The following RAB27B variants were observed in gnomAD, a reference collection of about 807,000 sequenced individuals.
The protein encoded by RAB27B is ras-related protein Rab-27B.
Under a neutral mutation model 24.6 loss-of-function variants are expected in RAB27B, and 15 were observed. The ratio of observed to expected loss-of-function variants is 0.61; its 90% CI spans 0.41 to 0.94. The LOEUF (loss-of-function observed/expected upper bound fraction) is 0.94, where lower values mean the gene tolerates loss of function less well. RAB27B is among the 40% of genes least tolerant of loss of function. The pLI is 0.00. For synonymous variants in RAB27B, 105 were observed against 92.5 expected (o/e 1.14, Z -0.78); for missense variants, 261 against 266.8 (o/e 0.98, Z 0.15).
At chr18:54,813,985 T>C (rs1435132317) in intron 2 of RAB27B, among the ~76,000 whole-genome samples, 4 of 152,236 alleles carry the variant, frequency 2.6e-5, no homozygotes, top group Non-Finnish European at 2.9e-5. Flanking sequence ...TTTTTGTATA[T>C]GTGCACATTT....
chr18:54,782,363 G>T (rs1229314973), intron 2 of RAB27B, among the ~76,000 whole-genome samples: 1 of 152,178 alleles, frequency 6.6e-6, no homozygotes, highest in Admixed American at 6.5e-5. Context: ...AAGCCAAATA[G>T]TATGGTTGCA....
chr18:54,768,424 A>G (rs1349740888), intron 2 of RAB27B, among the ~76,000 whole-genome samples: 2 of 152,138 alleles, frequency 1.3e-5, no homozygotes, highest in Non-Finnish European at 2.9e-5. Flanking sequence ...GTAACTTGCA[A>G]CTTTTTTTCC....
At chr18:54,818,743 A>C (rs1414043112) in intron 2 of RAB27B, among the ~76,000 whole-genome samples, 2 of 152,170 alleles carry the variant, frequency 1.3e-5, no homozygotes, top group Non-Finnish European at 2.9e-5. Flanking sequence ...GCTCTATAAC[A>C]ACGTGACTAG....
chr18:54,868,698 A>G (rs1408059328), intron 1 of RAB27B, among the ~76,000 whole-genome samples: 1 of 151,886 alleles, frequency 6.6e-6, no homozygotes, highest in African/African-American at 2.4e-5. Context: ...ATCTCAACTC[A>G]CTGCAACCTC....
At chr18:54,854,490 A>G (rs1423891078) in intron 1 of RAB27B, among the ~76,000 whole-genome samples, 1 of 152,214 alleles carries the variant, frequency 6.6e-6, no homozygotes, top group Non-Finnish European at 1.5e-5. Flanking sequence ...AATCAATGAA[A>G]GGCTTAGTTT....
intron 1 of RAB27B, among the ~76,000 whole-genome samples, chr18:54,850,194 T>C (rs1005272495): frequency 1.3e-5 from 2 of 151,754 alleles, no homozygotes; most frequent in Non-Finnish European, 2.9e-5. Context: ...TAACAGAGTT[T>C]GTCTAAGAAG....
intron 2 of RAB27B, among the ~76,000 whole-genome samples, chr18:54,785,170 C>T (rs531332498): frequency 1.3e-5 from 2 of 152,002 alleles, no homozygotes; most frequent in East Asian, 1.9e-4. Context: ...GGCAAAATCT[C>T]GGCTCACTGC....
At position 54,889,419 on chromosome 18, in the gene RAB27B, A is replaced by C. The variant is rs1029794064; in HGVS notation, c.*6A>C. Reference sequence around the variant, plus strand: ...AGAAGAAATGTATCTGCTAGACTCTACATAGAAACTGAACATCAAGAACCC... The same window carrying C: ...AGAAGAAATGTATCTGCTAGACTCTCCATAGAAACTGAACATCAAGAACCC... On this transcript the variant is annotated 3_prime_UTR_variant, in exon 6 of 6. Coordinates refer to ENST00000262094, the MANE Select transcript of RAB27B (RefSeq NM_004163.4). 1 of 1,596,806 alleles carries C rather than the reference A, an allele frequency of 6.3e-7. No homozygotes were observed. The highest frequency in any genetic ancestry group is 1.8e-5 in the Admixed American group (1 of 55,994).
chr18:54,870,093 G>A (rs2018668), intron 1 of RAB27B, among the ~76,000 whole-genome samples: 51,215 of 151,914 alleles, frequency 0.34, 10,231 homozygotes, highest in Admixed American at 0.43. Context: ...AGAAATGATG[G>A]AAACATTTTA....
At chr18:54,765,807 G>A (rs1908343099) in intron 2 of RAB27B, among the ~76,000 whole-genome samples, 1 of 152,144 alleles carries the variant, frequency 6.6e-6, no homozygotes, top group African/African-American at 2.4e-5. Context: ...AAGTATTGAA[G>A]GAGGAGATAT....
At chr18:54,828,277 G>C (rs1168072820), upstream of RAB27B, 1 of 152,224 alleles carries the variant, frequency 6.6e-6, no homozygotes, top group Non-Finnish European at 1.5e-5. Flanking sequence ...CGCTGGTAAG[G>C]CTAGAAGCCC....
intron 2 of RAB27B, among the ~76,000 whole-genome samples, chr18:54,776,273 C>CAAGTAAACCAAACT (rs1908713391): frequency 6.6e-6 from 1 of 152,188 alleles, no homozygotes; most frequent in Non-Finnish European, 1.5e-5. Context: ...TTTTCTATTC[C>CAAGTAAACCAAACT]ACCCCAACTA....
intron 2 of RAB27B, among the ~76,000 whole-genome samples, chr18:54,736,766 A>G (rs185413112): frequency 6.6e-6 from 1 of 152,230 alleles, no homozygotes; most frequent in East Asian, 1.9e-4. Context: ...GAATTTCAGG[A>G]AGGAGATATC....
chr18:54,888,168 C>G (rs747210126), intron 5 of RAB27B, 50 bp downstream of exon 5: 7 of 1,583,898 alleles, frequency 4.4e-6, no homozygotes, highest in Non-Finnish European at 6.0e-6. Context: ...TGCTGTTCAG[C>G]AAATGGAGCA....
At chr18:54,772,842 A>G (rs2145073770) in intron 2 of RAB27B, among the ~76,000 whole-genome samples, 1 of 152,292 alleles carries the variant, frequency 6.6e-6, no homozygotes, top group Non-Finnish European at 1.5e-5. Context: ...ATTGCATTGC[A>G]TGCTGTCCTT....
chr18:54,876,748 C>T (rs775302258), intron 1 of RAB27B, among the ~76,000 whole-genome samples: 1 of 152,058 alleles, frequency 6.6e-6, no homozygotes, highest in South Asian at 2.1e-4. Flanking sequence ...GCTCATCCTG[C>T]ATGGATAGAT....
intron 1 of RAB27B, among the ~76,000 whole-genome samples, chr18:54,848,221 C>G (rs961499721): frequency 6.6e-6 from 1 of 152,162 alleles, no homozygotes; most frequent in Non-Finnish European, 1.5e-5. Context: ...TATAATGAGG[C>G]AGCTTTAGGC....
intron 1 of RAB27B, among the ~76,000 whole-genome samples, chr18:54,862,289 G>A (rs1457839420): frequency 6.6e-6 from 1 of 152,152 alleles, no homozygotes; most frequent in Non-Finnish European, 1.5e-5. Context: ...ATGTGTGAGG[G>A]AACAAAATCG....
At chr18:54,728,470 A>T (rs1211558220) in intron 2 of RAB27B, among the ~76,000 whole-genome samples, 1 of 152,200 alleles carries the variant, frequency 6.6e-6, no homozygotes, top group Non-Finnish European at 1.5e-5. Context: ...ATCTCTCAGA[A>T]ATAGAGCAAA....
Sources: gnomAD v4.1 joint callset for allele counts (sites outside exome capture counted in the v4.1 genomes callset) on GRCh38, gnomAD v4.1.1 for gene constraint, MANE v1.5 for transcripts, NCBI Gene and HGNC (gene_info 2026-07-23, HGNC 2026-07-21) for gene names.